GTSF1: variants seen among roughly 807,000 people sequenced by gnomAD.
The protein encoded by GTSF1 is gametocyte specific factor 1, also known as gametocyte-specific factor 1.
A neutral mutation model predicts 28.9 loss-of-function variants in GTSF1; 11 were observed. That is an observed-to-expected ratio of 0.38 (90% confidence interval 0.24 to 0.63). The LOEUF (loss-of-function observed/expected upper bound fraction) is 0.63, where lower values mean the gene tolerates loss of function less well. Among genes scored for constraint, GTSF1 ranks in the 30% least tolerant of loss-of-function variants. The pLI is 0.56. For missense variants in GTSF1, 146 were observed against 201.0 expected (o/e 0.73, Z 1.66); for synonymous variants, 69 against 65.6 (o/e 1.05, Z -0.25).
At chr12:54,461,289 C>T (rs1956418723) in intron 6 of GTSF1, among the ~76,000 whole-genome samples, 1 of 151,540 alleles carries the variant, frequency 6.6e-6, no homozygotes, top group African/African-American at 2.4e-5. Context: ...TTTGTAGAGA[C>T]AGGATCTTAC....
chr12:54,465,052 A>T lies in GTSF1; in HGVS notation c.117+15T>A. On this transcript the variant is annotated intron_variant, in intron 3 of 8. Coordinates refer to ENST00000305879, the MANE Select transcript of GTSF1 (RefSeq NM_144594.3). ...AGAACTCAGGAGGGTGTTAGAGGGC[A>T]AATTATGACCCTACCTTTCTGCACT... 1 of 1,585,874 alleles carries T rather than the reference A, an allele frequency of 6.3e-7. No individual in the cohort carries two copies. Among genetic ancestry groups the T allele is most frequent in the Non-Finnish European group, 8.7e-7 (1 of 1,155,146 alleles).
At chr12:54,465,997 A>G (rs1259063488) in intron 2 of GTSF1, among the ~76,000 whole-genome samples, 1 of 152,230 alleles carries the variant, frequency 6.6e-6, no homozygotes, top group Non-Finnish European at 1.5e-5. Flanking sequence ...TACATTAGCC[A>G]GCTAAAAAAA....
intron 2 of GTSF1, chr12:54,468,944 A>G (rs553043981): frequency 1.7e-4 from 26 of 152,370 alleles, no homozygotes; most frequent in Admixed American, 1.5e-3. Flanking sequence ...TTAAGAAAAA[A>G]AAAATGTGGC....
chr12:54,468,211 C>T (rs962831076), intron 2 of GTSF1, among the ~76,000 whole-genome samples: 5 of 152,142 alleles, frequency 3.3e-5, no homozygotes. Flanking sequence ...CTCATTGCAA[C>T]CTCTGCTTCC....
At chr12:54,463,333 TG>T (rs1450502957) in intron 3 of GTSF1, 36 bp from the exon 4 acceptor site, 4 of 1,610,828 alleles carry the variant, frequency 2.5e-6, no homozygotes, top group Admixed American at 1.7e-5. Flanking sequence ...GTCAGTTCTC[TG>T]GATCTACTAA....
At chr12:54,465,015 T>A in intron 3 of GTSF1, 52 bp downstream of exon 3, 1 of 1,013,620 alleles carries the variant, frequency 9.9e-7, no homozygotes, top group South Asian at 1.4e-5. Flanking sequence ...TTATAAAATA[T>A]GGCCTTTTAA....
At chr12:54,460,754 C>A (rs1328039801) in intron 6 of GTSF1, among the ~76,000 whole-genome samples, 1 of 152,178 alleles carries the variant, frequency 6.6e-6, no homozygotes, top group Non-Finnish European at 1.5e-5. Flanking sequence ...AGCTGTATGA[C>A]AGGCTCATCA....
intron 4 of GTSF1, 38 bp from the exon 5 acceptor site, chr12:54,462,763 T>C (rs765541578): frequency 7.8e-6 from 12 of 1,540,156 alleles, no homozygotes; most frequent in Admixed American, 5.1e-5. Context: ...GAGGGGGATA[T>C]TGCCAAGTTA....
intron 7 of GTSF1, 42 bp from the exon 8 acceptor site, chr12:54,459,167 T>C: frequency 6.4e-7 from 1 of 1,571,858 alleles, no homozygotes. Flanking sequence ...CCATGTCAAT[T>C]GAAATTCACT....
chr12:54,462,986 G>A (rs1458832700), intron 4 of GTSF1, among the ~76,000 whole-genome samples, 185 bp downstream of exon 4: 1 of 152,170 alleles, frequency 6.6e-6, no homozygotes. Flanking sequence ...AGGCTGTTCA[G>A]GAGAGAAAAC....
intron 2 of GTSF1, among the ~76,000 whole-genome samples, chr12:54,466,325 G>A (rs892969334): frequency 2.0e-5 from 3 of 152,234 alleles, no homozygotes; most frequent in African/African-American, 7.2e-5. Context: ...CCAGGAGACT[G>A]CTAGGAAAAT....
intron 8 of GTSF1, among the ~76,000 whole-genome samples, chr12:54,457,178 CTAATT>C (rs1956345584): frequency 6.6e-6 from 1 of 152,160 alleles, no homozygotes; most frequent in Non-Finnish European, 1.5e-5. Context: ...CTTATCTAAT[CTAATT>C]ATTTTTCTGA....
At chr12:54,468,193 G>A (rs987958090) in intron 2 of GTSF1, among the ~76,000 whole-genome samples, 3 of 152,010 alleles carry the variant, frequency 2.0e-5, no homozygotes, top group African/African-American at 4.8e-5. Flanking sequence ...GCAGTGGTGC[G>A]ATCTTGGCTC....
intron 2 of GTSF1, among the ~76,000 whole-genome samples, chr12:54,469,651 G>A (rs1290792777): frequency 7.4e-6 from 1 of 135,096 alleles, no homozygotes; most frequent in Non-Finnish European, 1.5e-5. Flanking sequence ...TCATACCACT[G>A]CACTCCATCC....
At chr12:54,456,377 C>T (rs1956330346) in intron 8 of GTSF1, among the ~76,000 whole-genome samples, 1 of 152,152 alleles carries the variant, frequency 6.6e-6, no homozygotes, top group Non-Finnish European at 1.5e-5. Flanking sequence ...ACATTCTATA[C>T]AGAAATCAAT....
chr12:54,469,687 C>CAAAAAAA (rs375917825), intron 2 of GTSF1, among the ~76,000 whole-genome samples: 6 of 57,624 alleles, frequency 1.0e-4, no homozygotes, highest in African/African-American at 2.0e-4. Flanking sequence ...GACTCCTTCT[C>CAAAAAAA]AAAAAAAAAA....
intron 7 of GTSF1, 110 bp from the exon 8 acceptor site, chr12:54,459,235 T>A: frequency 7.0e-7 from 1 of 1,433,078 alleles, no homozygotes; most frequent in Non-Finnish European, 9.3e-7. Context: ...TGAATTATAA[T>A]ATAAAAGTAG....
intron 2 of GTSF1, among the ~76,000 whole-genome samples, chr12:54,469,465 A>G (rs1956566912): frequency 1.3e-5 from 2 of 151,494 alleles, no homozygotes; most frequent in East Asian, 2.0e-4. Context: ...AGGTTGGTGG[A>G]TCACTTGAGG....
rs553156824 is a variant in GTSF1 at position 54,471,270 on chromosome 12, T to C, written c.-22A>G. On this transcript the variant is annotated 5_prime_UTR_variant, in exon 2 of 9. Coordinates refer to ENST00000305879, the MANE Select transcript of GTSF1 (RefSeq NM_144594.3). ...CCATGTTGGAAATGAAGAAGCTGAA[T>C]CCAAGTGCTGGAAAAAACAAAAGTG... The C allele has an allele frequency of 6.3e-7, 1 of 1,591,134 alleles. No homozygotes were observed. Among genetic ancestry groups the C allele is most frequent in the African/African-American group, 1.4e-5 (1 of 73,852 alleles).
Sources: allele counts gnomAD v4.1 joint callset (sites outside exome capture counted in the v4.1 genomes callset), GRCh38; gene constraint gnomAD v4.1.1; transcripts MANE v1.5; gene names NCBI Gene and HGNC (gene_info 2026-07-23, HGNC 2026-07-21).